The following CHRNA7 variants were observed in gnomAD, a reference collection of about 807,000 sequenced individuals.
The protein encoded by CHRNA7 is neuronal acetylcholine receptor subunit alpha-7.
Under a neutral mutation model 48.0 loss-of-function variants are expected in CHRNA7, and 17 were observed. The ratio of observed to expected loss-of-function variants is 0.35; its 90% CI spans 0.24 to 0.53. The LOEUF is 0.53. Among genes scored for constraint, CHRNA7 ranks in the 20% least tolerant of loss-of-function variants. The pLI, the probability that CHRNA7 is intolerant of heterozygous loss-of-function variation, is 0.92. For synonymous variants in CHRNA7, 75 were observed against 242.3 expected, an observed-to-expected ratio of 0.31 and a Z score of 6.41; for missense variants, 155 against 577.7, an observed-to-expected ratio of 0.27 and a Z score of 7.50.
At position 32,057,460 on chromosome 15, in the gene CHRNA7, A is replaced by G. The variant is rs540822219; in HGVS notation, c.195+26423A>G. Among the ~76,000 whole-genome samples the G allele has an allele frequency of 1.3e-4, 20 of 152,330 alleles. No individual in the cohort carries two copies. In the East Asian group the frequency reaches 3.1e-3, roughly 23 times the overall value. On this transcript the variant is annotated intron_variant, in intron 2 of 9. Transcript: ENST00000306901. ...CTGACTGATTTTAAGGATAGGCTGTAATTAGGTAATGAACATTTTGGTGTG... is the reference window on the plus strand; with the variant it reads ...CTGACTGATTTTAAGGATAGGCTGTGATTAGGTAATGAACATTTTGGTGTG...
At chr15:32,103,489 T>C (rs1299732017) in intron 3 of CHRNA7, among the ~76,000 whole-genome samples, 1 of 149,690 alleles carries the variant, frequency 6.7e-6, no homozygotes, top group African/African-American at 2.4e-5. Context: ...CACCCATAGC[T>C]ACATGTGAGA....
In CHRNA7 at chr15:32,149,567, A is replaced by G. The variant is rs988160444; in HGVS notation, c.351-4340A>G. On this transcript the variant is annotated intron_variant, in intron 4 of 9. Coordinates refer to ENST00000306901, the MANE Select transcript of CHRNA7 (RefSeq NM_000746.6). The surrounding 1 kb of genome is among the most constrained non-coding windows in gnomAD (Gnocchi z 4.6). ...AGTAGTATTAGCACAAATCCATTAC[A>G]AGAGTTTACTTTTATACTATGTACT... is the stretch of plus-strand genomic sequence containing the variant. Among the ~76,000 whole-genome samples the G allele has an allele frequency of 2.0e-5, 3 of 152,218 alleles. No homozygotes were observed. The highest frequency in any genetic ancestry group is 4.4e-5 in the Non-Finnish European group (3 of 68,030).
chr15:32,044,964 T>A (rs2049514642), intron 2 of CHRNA7, among the ~76,000 whole-genome samples: 1 of 152,248 alleles, frequency 6.6e-6, no homozygotes, highest in South Asian at 2.1e-4. Flanking sequence ...GTCCGTTTTC[T>A]GTTGACATAT....
intron 4 of CHRNA7, among the ~76,000 whole-genome samples, chr15:32,139,096 A>G (rs1003380477): frequency 6.6e-6 from 1 of 152,142 alleles, no homozygotes; most frequent in Non-Finnish European, 1.5e-5. Flanking sequence ...TTCCTAGAAT[A>G]TCATATAATT....
At chr15:32,052,248 T>C (rs534581239) in intron 2 of CHRNA7, among the ~76,000 whole-genome samples, 51 of 151,764 alleles carry the variant, frequency 3.4e-4, no homozygotes, top group African/African-American at 1.2e-3. Flanking sequence ...CACTGGAGAG[T>C]TGATGAGAAC....
intron 2 of CHRNA7, among the ~76,000 whole-genome samples, chr15:32,095,110 C>A (rs966636823): frequency 6.6e-6 from 1 of 152,254 alleles, no homozygotes; most frequent in Non-Finnish European, 1.5e-5. Flanking sequence ...AATAGCAGAG[C>A]CCAGAGCCTG....
chr15:32,106,141 C>T (rs1210045058), intron 3 of CHRNA7, among the ~76,000 whole-genome samples: 2 of 152,166 alleles, frequency 1.3e-5, no homozygotes, highest in Non-Finnish European at 2.9e-5. Context: ...CGATAATGGA[C>T]ATGCACAAGT....
intron 2 of CHRNA7, among the ~76,000 whole-genome samples, chr15:32,095,307 G>T (rs546733091): frequency 6.6e-6 from 1 of 152,148 alleles, no homozygotes; most frequent in Non-Finnish European, 1.5e-5. Flanking sequence ...TCAGGACTCC[G>T]TTGCTCTCCT....
intron 2 of CHRNA7, among the ~76,000 whole-genome samples, chr15:32,095,953 T>C (rs935120966): frequency 5.9e-5 from 9 of 152,250 alleles, no homozygotes; most frequent in African/African-American, 1.9e-4. Context: ...GTTTCTGTAC[T>C]TAGCTGTGTG....
intron 4 of CHRNA7, among the ~76,000 whole-genome samples, chr15:32,130,837 T>A (rs922523725): frequency 6.6e-6 from 1 of 152,120 alleles, no homozygotes; most frequent in Non-Finnish European, 1.5e-5. Flanking sequence ...GCCATACTTC[T>A]TGGGTGATTC....
rs373189610 is a variant in CHRNA7 at position 32,110,643 on chromosome 15, C to T, written c.241-1147C>T. 1.2e-3 allele frequency among the ~76,000 whole-genome samples: 181 copies of T among 152,358 alleles called. 1 individual carries two copies. In the South Asian group the frequency reaches 0.016, roughly 14 times the overall value. On this transcript the variant is annotated intron_variant, in intron 3 of 9. Coordinates refer to ENST00000306901, the MANE Select transcript of CHRNA7 (RefSeq NM_000746.6). ...CAATAGCTCTAGGCCCACAGCCCCTCATCTGCAATTCCCAAATCTCAGCAG... is the reference window on the plus strand; with the variant it reads ...CAATAGCTCTAGGCCCACAGCCCCTTATCTGCAATTCCCAAATCTCAGCAG...
intron 4 of CHRNA7, among the ~76,000 whole-genome samples, chr15:32,114,089 TAC>T (rs1287180293): frequency 5.4e-4 from 74 of 137,214 alleles, no homozygotes; most frequent in African/African-American, 1.8e-3. Flanking sequence ...CATACATACA[TAC>T]ACACACACAT....
chr15:32,112,203 G>A lies in CHRNA7; in HGVS notation c.350+304G>A, dbSNP rs72715205. 11,997 of 528,300 alleles carry A rather than the reference G, an allele frequency of 0.023. 181 individuals carry two copies. The highest frequency in any genetic ancestry group is 0.034 in the South Asian group (2,210 of 65,134). 32.7% of individuals were successfully genotyped at this position (528,300 alleles called of 1,614,324 possible). ...GCATATTGGCACATGGAGTATTCTTGCATAAGGCAGTACCTTTGTTCTCTG... is the reference window on the plus strand; with the variant it reads ...GCATATTGGCACATGGAGTATTCTTACATAAGGCAGTACCTTTGTTCTCTG... On this transcript the variant is annotated intron_variant, in intron 4 of 9. Coordinates refer to ENST00000306901, the MANE Select transcript of CHRNA7 (RefSeq NM_000746.6).
At position 32,149,828 on chromosome 15, in the gene CHRNA7, T is replaced by G. The variant is rs1566876422; in HGVS notation, c.351-4079T>G. 6.6e-6 allele frequency among the ~76,000 whole-genome samples: 1 copy of G among 152,024 alleles called. No homozygotes were observed. The highest frequency in any genetic ancestry group is 1.5e-5 in the Non-Finnish European group (1 of 67,996). ...TTTGCCTTGTGATCTCAAGAGTCTC[T>G]TCAATTAAATTGATCCAAATGCTTG... On this transcript the variant is annotated intron_variant, in intron 4 of 9. Coordinates refer to ENST00000306901, the MANE Select transcript of CHRNA7 (RefSeq NM_000746.6). This position sits in a 1 kb window ranked among gnomAD's most constrained non-coding sequence, Gnocchi z 4.6.
chr15:32,125,836 C>T (rs894898053), intron 4 of CHRNA7, among the ~76,000 whole-genome samples: 1 of 152,102 alleles, frequency 6.6e-6, no homozygotes, highest in African/African-American at 2.4e-5. Flanking sequence ...TCCTGCTGGG[C>T]ATGAATGCCA....
chr15:32,142,600 G>A (rs1248201502), intron 4 of CHRNA7, among the ~76,000 whole-genome samples: 1 of 152,158 alleles, frequency 6.6e-6, no homozygotes, highest in Non-Finnish European at 1.5e-5. Context: ...TTCAGAACCT[G>A]TTGTTAGTCT....
At chr15:32,113,402 T>G (rs1315605922) in intron 4 of CHRNA7, among the ~76,000 whole-genome samples, 1 of 152,190 alleles carries the variant, frequency 6.6e-6, no homozygotes, top group Non-Finnish European at 1.5e-5. Flanking sequence ...GCACCAGGTA[T>G]TAGGATTTCA....
At chr15:32,167,545 G>A (rs1279936480) in intron 9 of CHRNA7, 5 of 197,856 alleles carry the variant, frequency 2.5e-5, no homozygotes, top group Admixed American at 6.7e-5. Flanking sequence ...GGCCTTCCAG[G>A]GCACCTAACA....
chr15:32,114,043 TG>T (rs1227785524), intron 4 of CHRNA7, among the ~76,000 whole-genome samples: 8 of 77,746 alleles, frequency 1.0e-4, no homozygotes, highest in Non-Finnish European at 1.4e-4. Context: ...TATATATATA[TG>T]TATATATATA....
Sources: allele counts gnomAD v4.1 joint callset (sites outside exome capture counted in the v4.1 genomes callset), GRCh38; gene constraint gnomAD v4.1.1; non-coding constraint Gnocchi (gnomAD v3.1); transcripts MANE v1.5; gene names NCBI Gene and HGNC (gene_info 2026-07-23, HGNC 2026-07-21).